The following NR3C2 variants were observed in gnomAD, a reference collection of about 807,000 sequenced individuals.
NR3C2 encodes mineralocorticoid receptor.
Under a neutral mutation model 86.4 loss-of-function variants are expected in NR3C2, and 15 were observed. The ratio of observed to expected loss-of-function variants is 0.17; its 90% CI spans 0.12 to 0.27. The LOEUF is 0.27. Ranked by LOEUF, NR3C2 falls within the 10% of genes least tolerant of loss-of-function variation. The pLI is 1.00. For synonymous variants in NR3C2, 458 were observed against 450.5 expected, an observed-to-expected ratio of 1.02 and a Z score of -0.21; for missense variants, 960 against 1,195.6, an observed-to-expected ratio of 0.80 and a Z score of 2.91.
intron 2 of NR3C2, among the ~76,000 whole-genome samples, chr4:148,389,993 A>G (rs1747458429): frequency 6.6e-6 from 1 of 152,096 alleles, no homozygotes; most frequent in African/African-American, 2.4e-5. Context: ...ACAATCGTTC[A>G]AACTGTTTGC....
At chr4:148,189,771 T>C (rs1460452524) in intron 4 of NR3C2, among the ~76,000 whole-genome samples, 2 of 152,158 alleles carry the variant, frequency 1.3e-5, no homozygotes, top group South Asian at 2.1e-4. Flanking sequence ...GCCAGGAGGA[T>C]TGTATTTTTC....
At chr4:148,412,026 A>G (rs373608058) in intron 2 of NR3C2, among the ~76,000 whole-genome samples, 77 of 152,286 alleles carry the variant, frequency 5.1e-4, no homozygotes, top group African/African-American at 1.8e-3. Context: ...CAGTTGTTGC[A>G]TTTACTAATT....
At chr4:148,318,191 C>G (rs1303756051) in intron 2 of NR3C2, among the ~76,000 whole-genome samples, 2 of 151,578 alleles carry the variant, frequency 1.3e-5, no homozygotes, top group Non-Finnish European at 2.9e-5. Context: ...CATGTCCCTA[C>G]AAAGGACATG....
intron 2 of NR3C2, among the ~76,000 whole-genome samples, chr4:148,389,261 A>G (rs1006206141): frequency 6.6e-6 from 1 of 152,160 alleles, no homozygotes; most frequent in Non-Finnish European, 1.5e-5. Context: ...TTGAAAAAAC[A>G]AAAATAAAAA....
intron 8 of NR3C2, among the ~76,000 whole-genome samples, chr4:148,099,453 C>T (rs1311522338): frequency 2.6e-5 from 4 of 152,056 alleles, no homozygotes; most frequent in African/African-American, 4.8e-5. Context: ...TTTATGAGCC[C>T]GTGAAAATGC....
At chr4:148,362,463 CTTTAAAAT>C (rs1313834028) in intron 2 of NR3C2, among the ~76,000 whole-genome samples, 1 of 152,120 alleles carries the variant, frequency 6.6e-6, no homozygotes, top group Non-Finnish European at 1.5e-5. Flanking sequence ...AACTTTAAAA[CTTTAAAAT>C]TTAAAAATTA....
chr4:148,157,567 T>C (rs543706784), intron 4 of NR3C2, among the ~76,000 whole-genome samples: 8 of 151,694 alleles, frequency 5.3e-5, no homozygotes, highest in Middle Eastern at 3.2e-3. Flanking sequence ...GGTGGGAAGG[T>C]TGGGAGGTAG....
At chr4:148,382,798 A>G (rs1353824906) in intron 2 of NR3C2, among the ~76,000 whole-genome samples, 2 of 152,210 alleles carry the variant, frequency 1.3e-5, no homozygotes, top group Non-Finnish European at 2.9e-5. Flanking sequence ...TTTTGGAGAA[A>G]AGAGTAAAGT....
intron 2 of NR3C2, among the ~76,000 whole-genome samples, chr4:148,432,757 C>G (rs1465051319): frequency 6.6e-6 from 1 of 152,072 alleles, no homozygotes; most frequent in Non-Finnish European, 1.5e-5. Context: ...AAGGATGATA[C>G]TTGGACAAGG....
At chr4:148,242,964 G>A (rs1007604311) in intron 3 of NR3C2, among the ~76,000 whole-genome samples, 2 of 150,256 alleles carry the variant, frequency 1.3e-5, no homozygotes, top group African/African-American at 4.9e-5. Context: ...AGGTAGGAAC[G>A]TTAATTGGTT....
At chr4:148,262,318 C>T (rs964233759) in intron 2 of NR3C2, among the ~76,000 whole-genome samples, 7 of 152,210 alleles carry the variant, frequency 4.6e-5, no homozygotes, top group South Asian at 2.1e-4. Context: ...CTTACTTTCT[C>T]GGTGATCTCA....
At chr4:148,335,637 T>C (rs1744448369) in intron 2 of NR3C2, among the ~76,000 whole-genome samples, 2 of 152,094 alleles carry the variant, frequency 1.3e-5, no homozygotes, top group South Asian at 4.1e-4. Flanking sequence ...TTTTTAAAAA[T>C]TTGAAAAAGA....
chr4:148,372,821 A>G (rs1041606512), intron 2 of NR3C2, among the ~76,000 whole-genome samples: 2 of 152,228 alleles, frequency 1.3e-5, no homozygotes, highest in African/African-American at 4.8e-5. Flanking sequence ...ATTTCTGACT[A>G]TGCTTCAGAT....
chr4:148,170,262 A>C (rs1314819897), intron 4 of NR3C2, among the ~76,000 whole-genome samples: 1 of 152,210 alleles, frequency 6.6e-6, no homozygotes, highest in Non-Finnish European at 1.5e-5. Context: ...TCACTGGTCT[A>C]TACTAAGGAA....
At chr4:148,241,331 A>AG (rs1739030116) in intron 3 of NR3C2, among the ~76,000 whole-genome samples, 2 of 141,322 alleles carry the variant, frequency 1.4e-5, no homozygotes, top group African/African-American at 2.7e-5. Context: ...AAAAAAAAAA[A>AG]AAGGGGAAAA....
rs759370166 is a variant in NR3C2, at chr4:148,436,810, T to C, written c.51A>G (p.Arg17=). The change falls in exon 2 of 9, where the codon AGA becomes AGG. Residue 17 remains arginine, a synonymous_variant. Coordinates refer to ENST00000358102, the MANE Select transcript of NR3C2 (RefSeq NM_000901.5). ...HSLPEGLDME[R]RWGQVSQAVE... The stretch of plus-strand genomic sequence containing the variant: ...CAGCCTGAGAAACTTGACCCCACCG[T>C]CTTTCCATATCTAGACCTTCAGGGA... 6.8e-6 allele frequency: 11 copies of C among 1,612,818 alleles called. No homozygotes were observed. Among genetic ancestry groups the C allele is most frequent in the Non-Finnish European group, 9.3e-6 (11 of 1,179,922 alleles).
At chr4:148,154,403 C>T (rs1734250474) in intron 5 of NR3C2, 148 bp downstream of exon 5, 5 of 792,380 alleles carry the variant, frequency 6.3e-6, no homozygotes, top group African/African-American at 1.7e-5. Context: ...TTTTCCTATA[C>T]ACTTGATCAA....
chr4:148,222,627 C>G (rs1177402453), intron 3 of NR3C2, among the ~76,000 whole-genome samples: 1 of 152,064 alleles, frequency 6.6e-6, no homozygotes, highest in Non-Finnish European at 1.5e-5. Flanking sequence ...AGGAAATTAA[C>G]AAAACATAAT....
chr4:148,229,607 C>T (rs1738359657), intron 3 of NR3C2, among the ~76,000 whole-genome samples: 1 of 152,154 alleles, frequency 6.6e-6, no homozygotes, highest in African/African-American at 2.4e-5. Context: ...AGAGTACTGA[C>T]ATTCTCAGCC....
Sources: allele counts gnomAD v4.1 joint callset (sites outside exome capture counted in the v4.1 genomes callset), GRCh38; gene constraint gnomAD v4.1.1; transcripts MANE v1.5; gene names NCBI Gene and HGNC (gene_info 2026-07-23, HGNC 2026-07-21).